Variants in ADAM19 observed in about 807,000 individuals in gnomAD.
ADAM19 encodes the protein disintegrin and metalloproteinase domain-containing protein 19.
In ADAM19, 65 loss-of-function variants were observed where a neutral mutation model predicts 114.7. That is an observed-to-expected ratio of 0.57 (90% CI 0.46 to 0.70). ADAM19 has a LOEUF of 0.70. Among genes scored for constraint, ADAM19 ranks in the 30% least tolerant of loss-of-function variants. The pLI, the probability that ADAM19 is intolerant of heterozygous loss-of-function variation, is 0.00. For missense variants in ADAM19, 1,063 were observed against 1,204.7 expected (o/e 0.88, Z 1.74); for synonymous variants, 466 against 460.5 (o/e 1.01, Z -0.15).
chr5:157,550,090 T>C (rs569757269), intron 3 of ADAM19, among the ~76,000 whole-genome samples: 1 of 151,986 alleles, frequency 6.6e-6, no homozygotes, highest in Non-Finnish European at 1.5e-5. Flanking sequence ...TGACGTGGGG[T>C]GGGGGAGAAT....
At position 157,574,872 on chromosome 5, in the gene ADAM19, C is replaced by G. The variant is rs576174850; in HGVS notation, c.94+731G>C. The stretch of plus-strand genomic sequence containing the variant: ...AGGGGAAACTGAGGACCAAAGAAGG[C>G]GGCCGTCGGGTTGGCGTGGAAAGAG... On this transcript the variant is annotated intron_variant, in intron 1 of 22. Coordinates refer to ENST00000257527, the MANE Select transcript of ADAM19 (RefSeq NM_033274.5). 1.3e-4 allele frequency among the ~76,000 whole-genome samples: 20 copies of G among 152,344 alleles called. 1 individual carries two copies. In the East Asian group the frequency reaches 3.1e-3, roughly 24 times the overall value.
chr5:157,478,708 A>G lies in ADAM19; in HGVS notation c.*2241T>C, dbSNP rs906094051. ...AGTCTATCAAATTCCAAAACATTCC[A>G]CCATCTTCCAGTTCACAGTACAACT... On this transcript the variant is annotated 3_prime_UTR_variant, in exon 23 of 23. Transcript: ENST00000257527. The G allele has an allele frequency of 5.3e-5, 52 of 985,696 alleles. No individual in the cohort carries two copies. The highest frequency in any genetic ancestry group is 6.2e-5 in the Admixed American group (1 of 16,248). The allele number at this position is 985,696 out of a possible 1,614,324, so 61.1% of individuals were successfully genotyped here. A position where few individuals can be genotyped will look rare whatever the true frequency, so the allele number is the denominator to read the frequency against.
rs1285374608 is a variant in ADAM19, at chr5:157,502,796, C to T, written c.1308+7G>A. The T allele has an allele frequency of 2.5e-6, 4 of 1,606,624 alleles. No individual in the cohort carries two copies. Among genetic ancestry groups the T allele is most frequent in the African/African-American group, 1.3e-5 (1 of 74,732 alleles). The stretch of plus-strand genomic sequence containing the variant: ...CCCCTCCCACTAGCACCATTGTGAC[C>T]CCTCACCTCTTCTTCTCCACAGTCA... On this transcript the variant is annotated splice_region_variant and intron_variant, in intron 12 of 22. Coordinates refer to ENST00000257527, the MANE Select transcript of ADAM19 (RefSeq NM_033274.5).
intron 2 of ADAM19, among the ~76,000 whole-genome samples, chr5:157,570,288 C>CA (rs895232573): frequency 1.4e-4 from 21 of 146,194 alleles, no homozygotes; most frequent in African/African-American, 4.4e-4. Context: ...AAAACAAAAA[C>CA]AAAAAAACAA....
At chr5:157,538,504 G>A (rs1341707322) in intron 3 of ADAM19, among the ~76,000 whole-genome samples, 1 of 152,236 alleles carries the variant, frequency 6.6e-6, no homozygotes, top group East Asian at 1.9e-4. Flanking sequence ...AGCGAAGCCA[G>A]TGGAGAGATA....
At chr5:157,499,779 T>TC (rs1388993340) in intron 12 of ADAM19, 117 bp from the exon 13 acceptor site, 7 of 608,966 alleles carry the variant, frequency 1.1e-5, no homozygotes, top group East Asian at 9.1e-5. Flanking sequence ...ATCTCTTTTT[T>TC]TTTTTTTTTT....
intron 7 of ADAM19, 32 bp downstream of exon 7, chr5:157,518,791 T>G: frequency 6.3e-7 from 1 of 1,574,826 alleles, no homozygotes; most frequent in East Asian, 2.2e-5. Context: ...AAGAGAGCAG[T>G]TTTTCTGCAA....
At chr5:157,510,734 T>G (rs1219208956) in intron 8 of ADAM19, among the ~76,000 whole-genome samples, 1 of 152,240 alleles carries the variant, frequency 6.6e-6, no homozygotes, top group Non-Finnish European at 1.5e-5. Flanking sequence ...CGTTTATGAT[T>G]TCTCTTTATT....
rs68078503 is a variant in ADAM19, at chr5:157,556,209, C to CTT, written c.251+8162_251+8163dup. On this transcript the variant is annotated intron_variant, in intron 3 of 22. Transcript: ENST00000257527. ...TTATAACCTGTTTTTTTTTCTTTTT[C>CTT]TTTTTTTTTTTTTTTTTTTTTTTTT... Among the ~76,000 whole-genome samples, 24 of 66,312 alleles carry CTT rather than the reference C, an allele frequency of 3.6e-4. 2 individuals are homozygous for CTT. The highest frequency in any genetic ancestry group is 1.2e-3 in the African/African-American group (20 of 16,706). The allele number at this position is 66,312 out of a possible 152,430, so 43.5% of individuals were successfully genotyped here. A position where few individuals can be genotyped will look rare whatever the true frequency, so the allele number is the denominator to read the frequency against.
In ADAM19 at chr5:157,490,410, G is replaced by A; in HGVS notation, c.2140C>T (p.Leu714=). The change falls in exon 19 of 23, where the codon CTG becomes TTG. Residue 714 remains leucine, a synonymous_variant. Transcript: ENST00000257527. ...VAGVLVAILV[L]AVLMLMYYCC... is the part of the protein sequence containing the mutation. ...TAGTACATCAGCATGAGGACCGCCA[G>A]CACCAAGATGGCCACCAACACTCCA... The A allele has an allele frequency of 6.2e-7, 1 of 1,614,066 alleles. No individual in the cohort carries two copies. Among genetic ancestry groups the A allele is most frequent in the Non-Finnish European group, 8.5e-7 (1 of 1,179,994 alleles).
rs938040177 is a variant in ADAM19 at position 157,560,404 on chromosome 5, C to T, written c.251+3969G>A. 4.0e-5 allele frequency among the ~76,000 whole-genome samples: 6 copies of T among 151,492 alleles called. No individual in the cohort carries two copies. The South Asian group carries it at 6.3e-4, about 16-fold the overall frequency. On this transcript the variant is annotated intron_variant, in intron 3 of 22. Transcript: ENST00000257527. ...GCTGGCTTTTTGACCAATTTCATAT[C>T]ATCTGTCTCTGAGGTCAATGCTATG...
chr5:157,562,522 C>T (rs370661327), intron 3 of ADAM19, among the ~76,000 whole-genome samples: 1 of 152,214 alleles, frequency 6.6e-6, no homozygotes, highest in African/African-American at 2.4e-5. Context: ...AACCATCCCA[C>T]GAGGCTGGCC....
At position 157,559,250 on chromosome 5, in the gene ADAM19, G is replaced by A. The variant is rs1757444039; in HGVS notation, c.251+5123C>T. Among the ~76,000 whole-genome samples the A allele has an allele frequency of 2.0e-5, 3 of 152,180 alleles. No homozygotes were observed. The South Asian group carries it at 6.2e-4, about 31-fold the overall frequency. On this transcript the variant is annotated intron_variant, in intron 3 of 22. Coordinates refer to ENST00000257527, the MANE Select transcript of ADAM19 (RefSeq NM_033274.5). ...AACTGGGCTGGAGCACAAATGGATG[G>A]GGTTAGACCAAAGGACGTCTCTCCC...
At chr5:157,513,748 A>G (rs926255360) in intron 7 of ADAM19, among the ~76,000 whole-genome samples, 4 of 152,192 alleles carry the variant, frequency 2.6e-5, no homozygotes, top group Non-Finnish European at 5.9e-5. Flanking sequence ...ATAATTATGC[A>G]CGGAGTAGAA....
chr5:157,508,572 C>T lies in ADAM19; in HGVS notation c.905+729G>A, dbSNP rs183216160. On this transcript the variant is annotated intron_variant, in intron 9 of 22. Transcript: ENST00000257527. ...CCGAGATCACGCTACTGCACTCCAG[C>T]CTAGGTGACAGACGGAAACTGTCTC... Among the ~76,000 whole-genome samples, 5 of 151,740 alleles carry T rather than the reference C, an allele frequency of 3.3e-5. No homozygotes were observed. The East Asian group carries it at 7.7e-4, about 23-fold the overall frequency.
rs1157469965 is a variant in ADAM19, at chr5:157,479,159, T to C, written c.*1790A>G. ...ACCCACGGCAAGGACATGGGGAACC[T>C]GTATCACAGCCACCCTGAGGGAAGA... On this transcript the variant is annotated 3_prime_UTR_variant, in exon 23 of 23. Coordinates refer to ENST00000257527, the MANE Select transcript of ADAM19 (RefSeq NM_033274.5). 1.8e-5 allele frequency: 18 copies of C among 985,792 alleles called. No individual in the cohort carries two copies. Among genetic ancestry groups the C allele is most frequent in the Non-Finnish European group, 2.2e-5 (18 of 829,972 alleles). 61.1% of individuals were successfully genotyped at this position (985,792 alleles called of 1,614,324 possible).
chr5:157,522,430 T>C (rs943907381), intron 5 of ADAM19, among the ~76,000 whole-genome samples: 1 of 152,230 alleles, frequency 6.6e-6, no homozygotes, highest in African/African-American at 2.4e-5. Context: ...GGGATTTGAA[T>C]GGAAGCATTC....
intron 3 of ADAM19, among the ~76,000 whole-genome samples, chr5:157,539,603 C>T (rs1756863596): frequency 6.6e-6 from 1 of 152,198 alleles, no homozygotes; most frequent in African/African-American, 2.4e-5. Flanking sequence ...AGAAAAGAAG[C>T]CCAACAGGAA....
rs1351094925 is a variant in ADAM19 at position 157,498,544 on chromosome 5, C to G, written c.1398+1029G>C. Among the ~76,000 whole-genome samples the G allele has an allele frequency of 2.6e-5, 4 of 152,188 alleles. No homozygotes were observed. The East Asian group carries it at 7.7e-4, about 29-fold the overall frequency. On this transcript the variant is annotated intron_variant, in intron 13 of 22. Coordinates refer to ENST00000257527, the MANE Select transcript of ADAM19 (RefSeq NM_033274.5). Reference sequence around the variant, plus strand: ...GCCCCTAACGAGCACTCAGCAAGTGCTAGGCAGAAGCCCAGGCCCACAGTT... The same window carrying G: ...GCCCCTAACGAGCACTCAGCAAGTGGTAGGCAGAAGCCCAGGCCCACAGTT...
Sources: gnomAD v4.1 joint callset for allele counts (sites outside exome capture counted in the v4.1 genomes callset) on GRCh38, gnomAD v4.1.1 for gene constraint, MANE v1.5 for transcripts, NCBI Gene and HGNC (gene_info 2026-07-23, HGNC 2026-07-21) for gene names.